The following APPL2 variants were observed in gnomAD, a reference collection of about 807,000 sequenced individuals.
APPL2 encodes the protein adaptor protein, phosphotyrosine interacting with PH domain and leucine zipper 2.
A neutral mutation model predicts 92.7 loss-of-function variants in APPL2; 84 were observed. That is an observed-to-expected ratio of 0.91 (90% CI 0.76 to 1.09). The LOEUF is 1.09. Ranked by LOEUF, APPL2 falls within the 50% of genes least tolerant of loss-of-function variation. The pLI is 0.00. For missense variants in APPL2, 736 were observed against 824.5 expected, an observed-to-expected ratio of 0.89 and a Z score of 1.31; for synonymous variants, 291 against 291.0, an observed-to-expected ratio of 1.00 and a Z score of 0.00.
At chr12:105,185,008 C>T (rs577646018) in intron 17 of APPL2, among the ~76,000 whole-genome samples, 22 of 152,256 alleles carry the variant, frequency 1.4e-4, no homozygotes, top group Admixed American at 5.9e-4. Flanking sequence ...TATGGCGCTG[C>T]GGCAGGCTCA....
chr12:105,202,884 C>A (rs1426483647), intron 9 of APPL2, among the ~76,000 whole-genome samples: 4 of 152,166 alleles, frequency 2.6e-5, no homozygotes, highest in Non-Finnish European at 5.9e-5. Flanking sequence ...TAGATCAATT[C>A]CCTTGTTTAG....
intron 17 of APPL2, among the ~76,000 whole-genome samples, chr12:105,186,711 C>CATATATT (rs879874537): frequency 2.6e-5 from 1 of 38,542 alleles, no homozygotes. Flanking sequence ...TATCATATAT[C>CATATATT]ATATCATATA....
intron 1 of APPL2, among the ~76,000 whole-genome samples, chr12:105,232,448 A>C (rs776698252): frequency 3.3e-5 from 5 of 152,202 alleles, no homozygotes; most frequent in Non-Finnish European, 7.3e-5. Flanking sequence ...GAAAATTTTA[A>C]GGTTATAAAC....
chr12:105,210,311 C>T lies in APPL2; in HGVS notation c.373+919G>A, dbSNP rs905309744. ...AGATTTACTGCAACCTTCTCCGCCC[C>T]AACCCCCGCCGCAAAAAAAGCTTAA... On this transcript the variant is annotated intron_variant, in intron 5 of 20. Transcript: ENST00000258530. Among the ~76,000 whole-genome samples, 38 of 152,100 alleles carry T rather than the reference C, an allele frequency of 2.5e-4. 1 individual carries two copies. Among genetic ancestry groups the T allele is most frequent in the African/African-American group, 8.7e-4 (36 of 41,414 alleles).
chr12:105,217,032 A>C, intron 4 of APPL2, 37 bp downstream of exon 4: 1 of 1,456,778 alleles, frequency 6.9e-7, no homozygotes, highest in Non-Finnish European at 9.5e-7. Flanking sequence ...AAGTTCGAGA[A>C]AGAATCAAAT....
In APPL2 at chr12:105,177,529, A is replaced by G. The variant is rs189191881; in HGVS notation, c.1635-267T>C. The G allele has an allele frequency of 6.4e-4, 315 of 494,282 alleles. 1 individual carries two copies. Among genetic ancestry groups the G allele is most frequent in the African/African-American group, 5.5e-3 (284 of 51,828 alleles). 30.6% of individuals were successfully genotyped at this position (494,282 alleles called of 1,614,324 possible). On this transcript the variant is annotated intron_variant, in intron 17 of 20. Transcript: ENST00000258530. ...ACAGGATTCTGCAACTTACCCAAACAGACAGCATTATAATCCTCAACAGAT... is the reference window on the plus strand; with the variant it reads ...ACAGGATTCTGCAACTTACCCAAACGGACAGCATTATAATCCTCAACAGAT...
At position 105,229,097 on chromosome 12, in the gene APPL2, G is replaced by A. The variant is rs376899158; in HGVS notation, c.153+28C>T. On this transcript the variant is annotated intron_variant, in intron 2 of 20. Coordinates refer to ENST00000258530, the MANE Select transcript of APPL2 (RefSeq NM_018171.5). Reference sequence around the variant, plus strand: ...TGAGGGGAGAGAATGCCCACTCTGCGGTATCCAGGTGAGGGGTGGCAGCAT... The same window carrying A: ...TGAGGGGAGAGAATGCCCACTCTGCAGTATCCAGGTGAGGGGTGGCAGCAT... 5.0e-5 allele frequency: 79 copies of A among 1,588,132 alleles called. 1 individual carries two copies. The Middle Eastern group carries it at 6.6e-4, about 13-fold the overall frequency.
Position 105,207,128 on chromosome 12 carries a change from A to G in APPL2, c.554T>C (p.Leu185Pro). 6.2e-7 allele frequency: 1 copy of G among 1,614,182 alleles called. No homozygotes were observed. Among genetic ancestry groups the G allele is most frequent in the Non-Finnish European group, 8.5e-7 (1 of 1,180,020 alleles). ...HLSSLQYYCALNALQYRKQMA... is the reference protein window; with the variant it reads ...HLSSLQYYCAPNALQYRKQMA... The stretch of plus-strand genomic sequence containing the variant: ...TTGCTTTCTGTACTGCAGCGCGTTG[A>G]GGGCACAGTAGTACTGAAGGGAGGA... The change falls in exon 8 of 21, where the codon CTC (leucine) becomes CCC (proline). Residue 185 changes from leucine to proline, a missense_variant. Transcript: ENST00000258530.
intron 7 of APPL2, among the ~76,000 whole-genome samples, chr12:105,207,728 A>G (rs1292507442): frequency 6.6e-6 from 1 of 152,226 alleles, no homozygotes; most frequent in African/African-American, 2.4e-5. Flanking sequence ...AGCTGAAGTT[A>G]AAACCCCTGT....
intron 2 of APPL2, among the ~76,000 whole-genome samples, chr12:105,222,630 A>G (rs189252708): frequency 1.1e-4 from 17 of 152,334 alleles, no homozygotes; most frequent in Non-Finnish European, 1.5e-5. Context: ...TCAGTCCTTC[A>G]TTCAACACCT....
Position 105,217,118 on chromosome 12 carries a change from T to G in APPL2, c.236A>C (p.Asp79Ala). ...GTGGAGTGTTGAAATTACTTCTTCA[T>G]CACCTTTGCCAAGAGCAAAGTTCTA... is the stretch of plus-strand genomic sequence containing the variant. Reference protein sequence around the residue: ...EKQNFALGKGDEEVISTLHYF... With the variant: ...EKQNFALGKGAEEVISTLHYF... The change falls in exon 4 of 21, where the codon GAT becomes GCT. Residue 79 changes from aspartate to alanine, a missense_variant. Asp to Ala is a moderately radical substitution (Grantham distance 126). Coordinates refer to ENST00000258530, the MANE Select transcript of APPL2 (RefSeq NM_018171.5). 6.2e-7 allele frequency: 1 copy of G among 1,611,288 alleles called. No individual in the cohort carries two copies. The highest frequency in any genetic ancestry group is 8.5e-7 in the Non-Finnish European group (1 of 1,178,084).
intron 20 of APPL2, 79 bp downstream of exon 20, chr12:105,175,939 CCAGTGAACATCACTTTT>C: frequency 8.0e-7 from 1 of 1,249,388 alleles, no homozygotes; most frequent in Non-Finnish European, 1.1e-6. Flanking sequence ...GCCACACTTT[CCAGTGAACATCACTTTT>C]CTTTTTGAAA....
intron 1 of APPL2, among the ~76,000 whole-genome samples, chr12:105,230,894 T>G (rs1458210172): frequency 6.6e-6 from 1 of 152,220 alleles, no homozygotes; most frequent in Non-Finnish European, 1.5e-5. Flanking sequence ...AAAAAAGCTC[T>G]CAGTGAAAGA....
chr12:105,185,278 G>A (rs1052990642), intron 17 of APPL2, among the ~76,000 whole-genome samples: 9 of 152,154 alleles, frequency 5.9e-5, no homozygotes, highest in African/African-American at 1.2e-4. Flanking sequence ...GTTGGGACTC[G>A]CTGAGGTTCA....
intron 5 of APPL2, among the ~76,000 whole-genome samples, chr12:105,210,928 G>A (rs1889157588): frequency 6.6e-6 from 1 of 152,040 alleles, no homozygotes; most frequent in East Asian, 1.9e-4. Flanking sequence ...CCTTCTTCAG[G>A]AAGCCGTCCC....
intron 4 of APPL2, among the ~76,000 whole-genome samples, chr12:105,215,933 A>C (rs1164614207): frequency 6.6e-6 from 1 of 151,708 alleles, no homozygotes; most frequent in African/African-American, 2.4e-5. Flanking sequence ...AGGCTGAGCC[A>C]GGAGAATGGT....
intron 9 of APPL2, among the ~76,000 whole-genome samples, chr12:105,200,892 CTAT>C (rs1406332158): frequency 7.2e-6 from 1 of 139,712 alleles, no homozygotes; most frequent in African/African-American, 2.7e-5. Flanking sequence ...ATCTATCTAT[CTAT>C]CTATCTATCC....
At chr12:105,183,768 G>T (rs932376092) in intron 17 of APPL2, among the ~76,000 whole-genome samples, 1 of 152,056 alleles carries the variant, frequency 6.6e-6, no homozygotes, top group African/African-American at 2.4e-5. Context: ...TATCTTTGTG[G>T]TGTTCTCTGT....
chr12:105,176,628 C>T (rs1285466830), intron 19 of APPL2, among the ~76,000 whole-genome samples: 1 of 152,140 alleles, frequency 6.6e-6, no homozygotes, highest in Non-Finnish European at 1.5e-5. Flanking sequence ...TATATCCCGA[C>T]TAAATAATAT....
Sources: allele counts gnomAD v4.1 joint callset (sites outside exome capture counted in the v4.1 genomes callset), GRCh38; gene constraint gnomAD v4.1.1; transcripts MANE v1.5; gene names NCBI Gene and HGNC (gene_info 2026-07-23, HGNC 2026-07-21).